Variants in C16orf87 observed in about 807,000 individuals in gnomAD.
The protein encoded by C16orf87 is UPF0547 protein C16orf87.
In C16orf87, 13 loss-of-function variants were observed where a neutral mutation model predicts 21.0. The ratio of observed to expected loss-of-function variants is 0.62; its 90% CI spans 0.40 to 0.98. C16orf87 has a LOEUF of 0.98. C16orf87 is among the 50% of genes least tolerant of loss of function. The pLI is 0.00. For synonymous variants in C16orf87, 49 were observed against 60.2 expected, an observed-to-expected ratio of 0.81 and a Z score of 0.86; for missense variants, 113 against 180.4, an observed-to-expected ratio of 0.63 and a Z score of 2.14.
chr16:46,805,829 T>C (rs1156873713), intron 3 of C16orf87, among the ~76,000 whole-genome samples: 1 of 152,232 alleles, frequency 6.6e-6, no homozygotes, highest in African/African-American at 2.4e-5. Context: ...TCGGATTCTC[T>C]AGAGAAGATA....
intron 1 of C16orf87, among the ~76,000 whole-genome samples, chr16:46,828,525 G>C (rs1215621464): frequency 6.6e-6 from 1 of 152,126 alleles, no homozygotes; most frequent in East Asian, 1.9e-4. Context: ...GAAAAGGACT[G>C]TGGTTTAAGA....
intron 1 of C16orf87, among the ~76,000 whole-genome samples, chr16:46,830,306 GAGAC>G (rs1244622646): frequency 1.8e-4 from 27 of 149,262 alleles, no homozygotes; most frequent in African/African-American, 6.7e-4. Flanking sequence ...GAGAGAGAGA[GAGAC>G]ACACAGAGAC....
At chr16:46,803,687 A>G (rs1220310540) in intron 3 of C16orf87, among the ~76,000 whole-genome samples, 1 of 151,982 alleles carries the variant, frequency 6.6e-6, no homozygotes, top group Non-Finnish European at 1.5e-5. Context: ...TTAAATGCAT[A>G]TAATTTACAA....
rs1451027426 is a variant in C16orf87 at position 46,798,771 on chromosome 16, G to C, written c.*4181C>G. On this transcript the variant is annotated 3_prime_UTR_variant, in exon 4 of 4. Transcript: ENST00000285697. ...AAAAAAAAGAAAAGAAAAGCTATCA[G>C]TATGTTTCACCATATGAACATTCTA... 2.0e-5 allele frequency: 3 copies of C among 152,012 alleles called. No homozygotes were observed. Among genetic ancestry groups the C allele is most frequent in the Non-Finnish European group, 4.4e-5 (3 of 68,140 alleles). 9.4% of individuals were successfully genotyped at this position (152,012 alleles called of 1,614,324 possible). A position where few individuals can be genotyped will look rare whatever the true frequency, so the allele number is the denominator to read the frequency against.
intron 2 of C16orf87, 65 bp from the exon 3 acceptor site, chr16:46,809,850 T>C (rs1196287775): frequency 4.4e-5 from 44 of 998,630 alleles, no homozygotes; most frequent in Admixed American, 1.8e-4. Context: ...CAAGTTCTCA[T>C]TGTCTTCCTT....
chr16:46,816,510 T>A (rs1015303620), intron 2 of C16orf87, among the ~76,000 whole-genome samples: 3 of 152,080 alleles, frequency 2.0e-5, no homozygotes, highest in African/African-American at 7.2e-5. Flanking sequence ...ATGACAAAAT[T>A]ATAGATGTAG....
rs1446841685 is a variant in C16orf87, at chr16:46,803,021, C to T, written c.396G>A (p.Lys132=). Residue 132 remains lysine (K), a synonymous_variant, in exon 4 of 4, where the codon AAG becomes AAA. Coordinates refer to ENST00000285697, the MANE Select transcript of C16orf87 (RefSeq NM_001001436.4). ...CCAAGGCGACTGAAAACACGAAAGC[C>T]TTTTCATCAGACAGGTTAGCATAGA... is the stretch of plus-strand genomic sequence containing the variant. ...IDIYANLSDE[K]AFVFSVALAE... 1.1e-5 allele frequency: 18 copies of T among 1,606,820 alleles called. No individual in the cohort carries two copies. Among genetic ancestry groups the T allele is most frequent in the African/African-American group, 4.0e-5 (3 of 74,670 alleles).
chr16:46,817,916 C>CAAAAAAAAAA (rs1056745014), intron 2 of C16orf87, among the ~76,000 whole-genome samples: 422 of 67,220 alleles, frequency 6.3e-3, no homozygotes, highest in Middle Eastern at 0.029. Flanking sequence ...CATCAAAAAG[C>CAAAAAAAAAA]AAAAAAAAAA....
chr16:46,825,387 A>G (rs942515451), intron 1 of C16orf87, among the ~76,000 whole-genome samples: 6 of 152,078 alleles, frequency 3.9e-5, no homozygotes, highest in African/African-American at 1.2e-4. Flanking sequence ...GATATCAACT[A>G]CCACTGACAA....
intron 2 of C16orf87, 98 bp downstream of exon 2, chr16:46,824,288 A>G: frequency 1.5e-6 from 1 of 647,298 alleles, no homozygotes; most frequent in Non-Finnish European, 2.7e-6. Context: ...ATAGATTTAA[A>G]CTTTTAACTT....
At chr16:46,821,038 G>A (rs535952125) in intron 2 of C16orf87, among the ~76,000 whole-genome samples, 3 of 152,014 alleles carry the variant, frequency 2.0e-5, no homozygotes, top group East Asian at 1.9e-4. Flanking sequence ...TCTCACTGAC[G>A]ACATTAAGCA....
chr16:46,804,214 A>G (rs117201217), intron 3 of C16orf87, among the ~76,000 whole-genome samples: 2 of 152,216 alleles, frequency 1.3e-5, no homozygotes, highest in Admixed American at 6.5e-5. Context: ...AATCGCTCCA[A>G]GTCTTCCAAC....
intron 3 of C16orf87, among the ~76,000 whole-genome samples, chr16:46,806,290 G>C (rs900665104): frequency 1.5e-5 from 2 of 133,732 alleles, no homozygotes; most frequent in African/African-American, 2.9e-5. Flanking sequence ...ACGGAGTCTC[G>C]CTCTGTCTCC....
intron 2 of C16orf87, among the ~76,000 whole-genome samples, chr16:46,812,370 A>G (rs1206969905): frequency 6.6e-6 from 1 of 152,228 alleles, no homozygotes; most frequent in Non-Finnish European, 1.5e-5. Context: ...CACAAGTCGG[A>G]TATTTATTAA....
At chr16:46,822,936 C>T (rs998893797) in intron 2 of C16orf87, among the ~76,000 whole-genome samples, 1 of 152,256 alleles carries the variant, frequency 6.6e-6, no homozygotes, top group Non-Finnish European at 1.5e-5. Flanking sequence ...CTGCCTAGCC[C>T]TGTGAACTCA....
intron 2 of C16orf87, among the ~76,000 whole-genome samples, chr16:46,821,227 G>A (rs764184654): frequency 1.2e-4 from 19 of 152,122 alleles, no homozygotes; most frequent in Admixed American, 3.3e-4. Context: ...CTCTAACACT[G>A]GTACTATAAA....
In C16orf87 at chr16:46,802,192, C is replaced by G. The variant is rs1363804408; in HGVS notation, c.*760G>C. On this transcript the variant is annotated 3_prime_UTR_variant, in exon 4 of 4. Transcript: ENST00000285697. ...TATTTTGCATGTAATAAATATATTT[C>G]ATGTTTAGGTTAACAGGCACCATCT... 6.6e-6 allele frequency: 1 copy of G among 150,730 alleles called. No individual in the cohort carries two copies. Among genetic ancestry groups the G allele is most frequent in the African/African-American group, 2.4e-5 (1 of 40,996 alleles). 9.3% of individuals were successfully genotyped at this position (150,730 alleles called of 1,614,324 possible).
chr16:46,818,130 C>A (rs1168465458), intron 2 of C16orf87, among the ~76,000 whole-genome samples: 2 of 152,060 alleles, frequency 1.3e-5, no homozygotes, highest in East Asian at 3.8e-4. Context: ...TCTGCCTCAG[C>A]CTCTCAAAGT....
At chr16:46,812,039 T>C (rs1464358490) in intron 2 of C16orf87, among the ~76,000 whole-genome samples, 2 of 152,088 alleles carry the variant, frequency 1.3e-5, no homozygotes, top group East Asian at 3.9e-4. Context: ...AGTTCAGGAG[T>C]TCGAGACCAG....
Sources: allele counts gnomAD v4.1 joint callset (sites outside exome capture counted in the v4.1 genomes callset), GRCh38; gene constraint gnomAD v4.1.1; transcripts MANE v1.5; gene names NCBI Gene and HGNC (gene_info 2026-07-23, HGNC 2026-07-21).